Variants in PRORP observed in about 807,000 individuals in gnomAD.
PRORP encodes mitochondrial ribonuclease P catalytic subunit.
Under a neutral mutation model 59.4 loss-of-function variants are expected in PRORP, and 51 were observed. That is an observed-to-expected ratio of 0.86 (90% CI 0.69 to 1.08). PRORP has a LOEUF of 1.08. Ranked by LOEUF, PRORP falls within the 50% of genes least tolerant of loss-of-function variation. The pLI is 0.00. For synonymous variants in PRORP, 231 were observed against 245.6 expected (o/e 0.94, Z 0.55); for missense variants, 646 against 690.3 (o/e 0.94, Z 0.72).
At chr14:35,173,724 T>C (rs984624408) in intron 4 of PRORP, among the ~76,000 whole-genome samples, 2 of 152,146 alleles carry the variant, frequency 1.3e-5, no homozygotes, top group African/African-American at 4.8e-5. Flanking sequence ...TTTTCTTTCC[T>C]TTATTTTCCC....
intron 5 of PRORP, among the ~76,000 whole-genome samples, chr14:35,225,056 G>A (rs1464750236): frequency 6.6e-6 from 1 of 152,028 alleles, no homozygotes; most frequent in African/African-American, 2.4e-5. Flanking sequence ...TTCCATGTAA[G>A]TGTTGCTAGT....
chr14:35,152,423 C>A (rs1189460979), intron 4 of PRORP, among the ~76,000 whole-genome samples: 3 of 152,238 alleles, frequency 2.0e-5, no homozygotes, highest in Admixed American at 6.5e-5. Context: ...ATCATCATGG[C>A]CCGTTCTCAA....
chr14:35,273,049 TGTTTC>T (rs1300903045), intron 7 of PRORP, among the ~76,000 whole-genome samples: 1 of 152,232 alleles, frequency 6.6e-6, no homozygotes, highest in Non-Finnish European at 1.5e-5. Flanking sequence ...TGTTTTGTTT[TGTTTC>T]GTTTTGTTTT....
chr14:35,215,926 C>T (rs1402486982), intron 5 of PRORP, among the ~76,000 whole-genome samples: 1 of 151,652 alleles, frequency 6.6e-6, no homozygotes, highest in Non-Finnish European at 1.5e-5. Flanking sequence ...ACCACCACGC[C>T]TGGCTAATTT....
chr14:35,232,857 T>C (rs2050116834), intron 5 of PRORP, among the ~76,000 whole-genome samples: 1 of 152,092 alleles, frequency 6.6e-6, no homozygotes, highest in South Asian at 2.1e-4. Context: ...GTATTTTTAG[T>C]AGAGGCGGGG....
chr14:35,123,917 CAGAT>C lies in PRORP; in HGVS notation c.673_676del (p.Arg225GlyfsTer8). On this transcript the variant is annotated frameshift_variant, in exon 2 of 8. Coordinates refer to ENST00000534898, the MANE Select transcript of PRORP (RefSeq NM_014672.4). LOFTEE classifies it high-confidence loss of function. ...TCATCCGGGGATTGATCCATTCAGA[CAGAT>C]GGAGAGAAGCATTGTTGCTGTTAGA... is the stretch of plus-strand genomic sequence containing the variant. 6.2e-7 allele frequency: 1 copy of C among 1,614,046 alleles called. No individual in the cohort carries two copies. The highest frequency in any genetic ancestry group is 1.1e-5 in the South Asian group (1 of 91,078).
intron 4 of PRORP, among the ~76,000 whole-genome samples, chr14:35,153,409 G>GAGAC (rs1227273660): frequency 6.6e-6 from 1 of 151,670 alleles, no homozygotes; most frequent in African/African-American, 2.4e-5. Flanking sequence ...ACCGTGGGGA[G>GAGAC]AGAGGGATCT....
intron 4 of PRORP, among the ~76,000 whole-genome samples, chr14:35,172,962 A>T (rs1317389988): frequency 6.6e-6 from 1 of 151,468 alleles, no homozygotes; most frequent in East Asian, 2.0e-4. Context: ...TCACTTCCCA[A>T]GATCAAGCAA....
At position 35,180,724 on chromosome 14, in the gene PRORP, A is replaced by G. The variant is rs760500911; in HGVS notation, c.1222A>G (p.Ile408Val). The change falls in exon 5 of 8, where the codon ATT (isoleucine) becomes GTT (valine). Residue 408 changes from isoleucine (I) to valine (V), a missense_variant. Transcript: ENST00000534898. ...IKSRPPFDVV[I>V]DGLNVAKMFP... ...ATCTCGTCCTCCTTTTGATGTTGTC[A>G]TTGATGGTCTCAATGTTGCCAAAAT... The G allele has an allele frequency of 4.3e-6, 7 of 1,613,554 alleles. No individual in the cohort carries two copies. Among genetic ancestry groups the G allele is most frequent in the East Asian group, 2.2e-5 (1 of 44,848 alleles).
intron 5 of PRORP, among the ~76,000 whole-genome samples, chr14:35,206,232 T>G (rs981229640): frequency 2.0e-5 from 3 of 152,176 alleles, no homozygotes; most frequent in Non-Finnish European, 4.4e-5. Context: ...GTCTTTCTGG[T>G]GAAGAAGGTT....
chr14:35,210,836 T>A (rs1032289555), intron 5 of PRORP, among the ~76,000 whole-genome samples: 1 of 140,162 alleles, frequency 7.1e-6, no homozygotes, highest in African/African-American at 2.6e-5. Flanking sequence ...ATGAAATGGC[T>A]CACTGCTGCC....
chr14:35,124,364 C>A, intron 2 of PRORP, 133 bp downstream of exon 2: 1 of 501,232 alleles, frequency 2.0e-6, no homozygotes, highest in Non-Finnish European at 3.3e-6. Flanking sequence ...AACTCCTGGC[C>A]TCAAGTGATC....
At chr14:35,234,002 T>C (rs1022468592) in intron 5 of PRORP, among the ~76,000 whole-genome samples, 2 of 152,240 alleles carry the variant, frequency 1.3e-5, no homozygotes, top group Admixed American at 6.5e-5. Flanking sequence ...GCTTTCCTTA[T>C]GATCAAAATA....
At chr14:35,266,587 T>C (rs1253730844) in intron 5 of PRORP, 140 bp from the exon 6 acceptor site, 14 of 857,758 alleles carry the variant, frequency 1.6e-5, no homozygotes, top group Non-Finnish European at 2.4e-5. Context: ...CTTTCAAAGA[T>C]GGGAAATTAT....
chr14:35,190,170 G>A (rs912214782), intron 5 of PRORP, among the ~76,000 whole-genome samples: 2 of 151,854 alleles, frequency 1.3e-5, no homozygotes, highest in Non-Finnish European at 2.9e-5. Flanking sequence ...AGGCCGAGGT[G>A]AGTGGATCAT....
intron 5 of PRORP, among the ~76,000 whole-genome samples, chr14:35,220,971 T>C (rs2049761110): frequency 6.6e-6 from 1 of 152,186 alleles, no homozygotes; most frequent in African/African-American, 2.4e-5. Flanking sequence ...CCTAAGCCAG[T>C]GTTAAAGACC....
At chr14:35,220,226 AAC>A (rs2049735651) in intron 5 of PRORP, among the ~76,000 whole-genome samples, 1 of 152,204 alleles carries the variant, frequency 6.6e-6, no homozygotes, top group Non-Finnish European at 1.5e-5. Flanking sequence ...TTCACTTTAC[AAC>A]ACTCCAAACA....
At chr14:35,266,900 A>G (rs758430466) in intron 6 of PRORP, 25 bp downstream of exon 6, 3 of 1,613,662 alleles carry the variant, frequency 1.9e-6, no homozygotes, top group Non-Finnish European at 2.5e-6. Flanking sequence ...TAATAGGTGA[A>G]TTATACTGTG....
At chr14:35,156,836 T>C (rs940754205) in intron 4 of PRORP, among the ~76,000 whole-genome samples, 2 of 152,196 alleles carry the variant, frequency 1.3e-5, no homozygotes, top group Non-Finnish European at 2.9e-5. Flanking sequence ...ATTCGCAGAG[T>C]AGATGCTTAG....
Sources: allele counts gnomAD v4.1 joint callset (sites outside exome capture counted in the v4.1 genomes callset), GRCh38; gene constraint gnomAD v4.1.1; transcripts MANE v1.5; gene names NCBI Gene and HGNC (gene_info 2026-07-23, HGNC 2026-07-21).